Variants in MUC15 observed in about 807,000 individuals in gnomAD.
MUC15 encodes the protein mucin-15.
A neutral mutation model predicts 24.0 loss-of-function variants in MUC15; 23 were observed. The ratio of observed to expected loss-of-function variants is 0.96; its 90% confidence interval spans 0.69 to 1.36. The LOEUF is 1.36. MUC15 is among the 40% of genes most tolerant of loss of function. The pLI is 0.00. For missense variants in MUC15, 442 were observed against 428.2 expected (o/e 1.03, Z -0.29); for synonymous variants, 151 against 156.3 (o/e 0.97, Z 0.25).
At chr11:26,561,781 T>G (rs1396444433) in intron 4 of MUC15, among the ~76,000 whole-genome samples, 1 of 152,010 alleles carries the variant, frequency 6.6e-6, no homozygotes, top group Non-Finnish European at 1.5e-5. Flanking sequence ...GATGTGGAAA[T>G]TTAGTTTTCT....
At position 26,565,242 on chromosome 11, in the gene MUC15, T is replaced by G. The variant is rs1438331111; in HGVS notation, c.698A>C (p.Glu233Ala). ...TAAGGTAGGCTGTAGAGTTGTTTTT[T>G]CTTGATAAGGGGTAAACCCAGTGAA... ...DSFTGFTPYQ[E>A]KTTLQPTLKF... Residue 233 changes from glutamate to alanine, a missense_variant, in exon 3 of 5, where the codon GAA becomes GCA. Glu to Ala is a moderately radical substitution (Grantham distance 107). Transcript: ENST00000529533. 1 of 1,548,268 alleles carries G rather than the reference T, an allele frequency of 6.5e-7. No homozygotes were observed. The highest frequency in any genetic ancestry group is 1.2e-5 in the South Asian group (1 of 81,408).
At chr11:26,562,158 A>G (rs1056055965) in intron 4 of MUC15, among the ~76,000 whole-genome samples, 8 of 151,926 alleles carry the variant, frequency 5.3e-5, no homozygotes, top group Non-Finnish European at 1.0e-4. Context: ...CAAAGGTTAA[A>G]AAATGGTTGA....
At chr11:26,562,251 A>G (rs1031270675) in intron 4 of MUC15, among the ~76,000 whole-genome samples, 2 of 151,956 alleles carry the variant, frequency 1.3e-5, no homozygotes, top group Non-Finnish European at 2.9e-5. Flanking sequence ...ACCCATAATC[A>G]GAATTCAGTT....
intron 3 of MUC15, 82 bp downstream of exon 3, chr11:26,565,083 G>A (rs1355672852): frequency 2.3e-6 from 3 of 1,330,266 alleles, no homozygotes; most frequent in East Asian, 4.9e-5. Context: ...TTCCAGCATG[G>A]TGATTCCTTA....
At chr11:26,564,116 A>T (rs1292490436) in intron 3 of MUC15, among the ~76,000 whole-genome samples, 1 of 151,172 alleles carries the variant, frequency 6.6e-6, no homozygotes, top group African/African-American at 2.4e-5. Context: ...AGCTAACTAA[A>T]TTTTTTTTTA....
At chr11:26,564,572 A>T (rs1402169520) in intron 3 of MUC15, among the ~76,000 whole-genome samples, 1 of 149,442 alleles carries the variant, frequency 6.7e-6, no homozygotes, top group Non-Finnish European at 1.5e-5. Context: ...GATTGACATA[A>T]TCCTTAAATG....
intron 3 of MUC15, among the ~76,000 whole-genome samples, chr11:26,564,373 C>G (rs1850430550): frequency 6.6e-6 from 1 of 150,990 alleles, no homozygotes; most frequent in Admixed American, 6.6e-5. Context: ...TTTTACATTA[C>G]TAATATAATC....
At chr11:26,561,514 G>A (rs423207) in intron 4 of MUC15, among the ~76,000 whole-genome samples, 111,444 of 151,824 alleles carry the variant, frequency 0.73, 41,169 homozygotes, top group Admixed American at 0.8. Context: ...ATAAAGAAGT[G>A]TAGACCATAC....
In MUC15 at chr11:26,563,317, G is replaced by A. The variant is rs779033808; in HGVS notation, c.776-52C>T. On this transcript the variant is annotated intron_variant, in intron 3 of 4. Coordinates refer to ENST00000529533, the MANE Select transcript of MUC15 (RefSeq NM_001135091.2). ...ATATAAAATAATTATTCAAAGAACC[G>A]AACTCTATGCATGTGAACTTTCCAT... 17 of 1,520,534 alleles carry A rather than the reference G, an allele frequency of 1.1e-5. No individual in the cohort carries two copies. The East Asian group carries it at 1.5e-4, about 13-fold the overall frequency. The allele number at this position is 1,520,534 out of a possible 1,614,324, so 94.2% of individuals were successfully genotyped here.
chr11:26,567,527 A>C (rs2134275896), intron 1 of MUC15, among the ~76,000 whole-genome samples: 1 of 152,108 alleles, frequency 6.6e-6, no homozygotes, highest in African/African-American at 2.4e-5. Context: ...CTTACATAAT[A>C]ATTTCTCACA....
chr11:26,572,072 A>G lies in MUC15; in HGVS notation c.-77T>C, dbSNP rs189339501. The G allele has an allele frequency of 9.1e-6, 9 of 985,306 alleles. No homozygotes were observed. In the East Asian group the frequency reaches 1.0e-3, roughly 112 times the overall value. 61.0% of individuals were successfully genotyped at this position (985,306 alleles called of 1,614,324 possible). On this transcript the variant is annotated 5_prime_UTR_variant, in exon 1 of 5. Transcript: ENST00000529533. ...GCTTAGGAGGTATTTACAATCAGGA[A>G]CTGAAATATCACAGTTGTCCTGTCT...
chr11:26,561,287 A>G lies in MUC15; in HGVS notation c.926-62T>C. On this transcript the variant is annotated intron_variant, in intron 4 of 4. Coordinates refer to ENST00000529533, the MANE Select transcript of MUC15 (RefSeq NM_001135091.2). ...TACTCTGAAAGATTCATGTTCAGGC[A>G]TCCACCAAGTTATAGGAATTATTCT... 4.0e-6 allele frequency: 5 copies of G among 1,262,744 alleles called. No homozygotes were observed. The South Asian group carries it at 8.7e-5, about 22-fold the overall frequency. 78.2% of individuals were successfully genotyped at this position (1,262,744 alleles called of 1,614,324 possible).
In MUC15 at chr11:26,565,316, G is replaced by A; in HGVS notation, c.624C>T (p.Thr208=). 6.2e-7 allele frequency: 1 copy of A among 1,610,918 alleles called. No individual in the cohort carries two copies. Among genetic ancestry groups the A allele is most frequent in the Non-Finnish European group, 8.5e-7 (1 of 1,178,158 alleles). ...ATCCACTTGGTTCCACTATCAAGGG[G>A]GTCACAGATGGAGAAGTTGGTTCTG... ...LSSEPTSPSV[T]PLIVEPSGWL... Residue 208 remains threonine, a synonymous_variant, in exon 3 of 5, where the codon ACC becomes ACT. Coordinates refer to ENST00000529533, the MANE Select transcript of MUC15 (RefSeq NM_001135091.2).
rs773354983 is a variant in MUC15 at position 26,565,811 on chromosome 11, T to C, written c.129A>G (p.Ser43=). 6.2e-6 allele frequency: 10 copies of C among 1,612,282 alleles called. No individual in the cohort carries two copies. The highest frequency in any genetic ancestry group is 1.1e-5 in the South Asian group (1 of 91,016). The part of the protein sequence containing the change: ...KILLISTLFY[S]LLSGSHGKEN... ...CTTTTCCATGGCTCCCCGATAGAAG[T>C]GAATAAAACAACGTTGAAATCAACA... The change falls in exon 3 of 5, where the codon TCA becomes TCG. Residue 43 remains serine, a synonymous_variant. Transcript: ENST00000529533.
intron 4 of MUC15, among the ~76,000 whole-genome samples, chr11:26,561,700 A>T (rs1255737815): frequency 2.0e-5 from 3 of 152,002 alleles, no homozygotes; most frequent in Non-Finnish European, 4.4e-5. Context: ...AGATAAAAAA[A>T]GTATTTGTGG....
At position 26,563,106 on chromosome 11, in the gene MUC15, T is replaced by TAG. The variant is rs1368814473; in HGVS notation, c.925+8_925+9dup. The stretch of plus-strand genomic sequence containing the variant: ...CTGTGCCCAGGTGAAGTATTGAAAA[T>TAG]AGATTTTACCTGGTTCATTTCTGTC... On this transcript the variant is annotated intron_variant, in intron 4 of 4. Coordinates refer to ENST00000529533, the MANE Select transcript of MUC15 (RefSeq NM_001135091.2). 31 of 1,610,500 alleles carry TAG rather than the reference T, an allele frequency of 1.9e-5. No individual in the cohort carries two copies. Among genetic ancestry groups the TAG allele is most frequent in the Admixed American group, 1.7e-5 (1 of 59,538 alleles).
In MUC15 at chr11:26,559,752, T is replaced by C; in HGVS notation, c.*1313A>G. Reference sequence around the variant, plus strand: ...TTTGTTCGATAATGGAGGGACAGTCTTCTTTGCTATTTTTATGGCAATATG... The same window carrying C: ...TTTGTTCGATAATGGAGGGACAGTCCTCTTTGCTATTTTTATGGCAATATG... On this transcript the variant is annotated 3_prime_UTR_variant, in exon 5 of 5. Coordinates refer to ENST00000529533, the MANE Select transcript of MUC15 (RefSeq NM_001135091.2). 1 of 1,612,338 alleles carries C rather than the reference T, an allele frequency of 6.2e-7. No individual in the cohort carries two copies. Among genetic ancestry groups the C allele is most frequent in the Non-Finnish European group, 8.5e-7 (1 of 1,178,800 alleles).
intron 1 of MUC15, among the ~76,000 whole-genome samples, chr11:26,569,758 T>C (rs1850745822): frequency 6.6e-6 from 1 of 152,120 alleles, no homozygotes. Context: ...CTCTATGTTA[T>C]ATACTTGCTT....
Position 26,559,875 on chromosome 11 carries a change from C to CA in MUC15, c.*1189_*1190insT. 6.4e-6 allele frequency: 5 copies of CA among 786,924 alleles called. No homozygotes were observed. Among genetic ancestry groups the CA allele is most frequent in the African/African-American group, 1.8e-5 (1 of 56,986 alleles). The allele number at this position is 786,924 out of a possible 1,614,324, so 48.7% of individuals were successfully genotyped here. A position where few individuals can be genotyped will look rare whatever the true frequency, so the allele number is the denominator to read the frequency against. ...ACACACACACACACACACACACACA[C>CA]CATGAATCAATTCAAAAATAAAGCC... On this transcript the variant is annotated 3_prime_UTR_variant, in exon 5 of 5. Coordinates refer to ENST00000529533, the MANE Select transcript of MUC15 (RefSeq NM_001135091.2).
Sources: gnomAD v4.1 joint callset for allele counts (sites outside exome capture counted in the v4.1 genomes callset) on GRCh38, gnomAD v4.1.1 for gene constraint, MANE v1.5 for transcripts, NCBI Gene and HGNC (gene_info 2026-07-23, HGNC 2026-07-21) for gene names.